NFIX: variants seen among roughly 807,000 people sequenced by gnomAD.
NFIX encodes the protein nuclear factor I X.
In NFIX, 2 loss-of-function variants were observed where a neutral mutation model predicts 53.3. The ratio of observed to expected loss-of-function variants is 0.04; its 90% CI spans 0.02 to 0.12. The LOEUF is 0.12. Ranked by LOEUF, NFIX falls within the 10% of genes least tolerant of loss-of-function variation. NFIX has a pLI of 1.00. For missense variants in NFIX, 310 were observed against 674.5 expected (o/e 0.46, Z 5.99); for synonymous variants, 244 against 289.0 (o/e 0.84, Z 1.58).
chr19:13,081,459 T>C lies in NFIX; in HGVS notation c.1079-221T>C, dbSNP rs938500725. 6.6e-6 allele frequency among the ~76,000 whole-genome samples: 1 copy of C among 151,628 alleles called. No individual in the cohort carries two copies. Among genetic ancestry groups the C allele is most frequent in the Non-Finnish European group, 1.5e-5 (1 of 67,760 alleles). ...GGCCTTTGGACCCTAGTTTGCCTAT[T>C]TGATTATTATTATTATTATTATTTT... On this transcript the variant is annotated intron_variant, in intron 7 of 10. Coordinates refer to ENST00000592199, the MANE Select transcript of NFIX (RefSeq NM_001365902.3). The surrounding 1 kb of genome is among the most constrained non-coding windows in gnomAD (Gnocchi z 4.7).
In NFIX at chr19:13,025,467, C is replaced by T. The variant is rs1463677306; in HGVS notation, c.474C>T (p.Asn158=). The T allele has an allele frequency of 5.6e-6, 9 of 1,614,068 alleles. No individual in the cohort carries two copies. The highest frequency in any genetic ancestry group is 2.2e-5 in the East Asian group (1 of 44,890). The change falls in exon 2 of 11, where the codon AAC becomes AAT. Residue 158 remains asparagine, a synonymous_variant. Coordinates refer to ENST00000592199, the MANE Select transcript of NFIX (RefSeq NM_001365902.3). The surrounding 1 kb of genome is among the most constrained non-coding windows in gnomAD (Gnocchi z 7.5). ...ERLYKSPQCS[N]PGLCVQPHHI... The stretch of plus-strand genomic sequence containing the variant: ...TCTACAAGTCGCCTCAGTGCTCGAA[C>T]CCCGGCCTGTGCGTCCAGCCACATC...
At position 13,025,637 on chromosome 19, in the gene NFIX, C is replaced by G. The variant is rs531102627; in HGVS notation, c.559+85C>G. ...GTTTATTGTTCCTCTAATTTCCAAG[C>G]GATAACTCGCCATGGGCCTAACTGG... On this transcript the variant is annotated intron_variant, in intron 2 of 10. Coordinates refer to ENST00000592199, the MANE Select transcript of NFIX (RefSeq NM_001365902.3). This position sits in a 1 kb window ranked among gnomAD's most constrained non-coding sequence, Gnocchi z 7.5. 17 of 1,475,756 alleles carry G rather than the reference C, an allele frequency of 1.2e-5. No homozygotes were observed. The highest frequency in any genetic ancestry group is 1.6e-5 in the Non-Finnish European group (17 of 1,093,684). 91.4% of individuals were successfully genotyped at this position (1,475,756 alleles called of 1,614,324 possible).
rs1322390502 is a variant in NFIX at position 13,014,825 on chromosome 19, A to G, written c.28-10196A>G. On this transcript the variant is annotated intron_variant, in intron 1 of 10. Transcript: ENST00000592199. This position sits in a 1 kb window ranked among gnomAD's most constrained non-coding sequence, Gnocchi z 4.4. ...CCTGGAGAGATGTGGGAGTTGGGGA[A>G]AGGACTTTTTATCAGGGCTGCAGAG... 6.6e-6 allele frequency among the ~76,000 whole-genome samples: 1 copy of G among 152,076 alleles called. No individual in the cohort carries two copies. Among genetic ancestry groups the G allele is most frequent in the African/African-American group, 2.4e-5 (1 of 41,396 alleles).
At chr19:13,053,482 G>C (rs1222778584) in intron 2 of NFIX, among the ~76,000 whole-genome samples, 37 of 152,132 alleles carry the variant, frequency 2.4e-4, no homozygotes, top group Admixed American at 2.4e-3. Context: ...CCTCCCTTCC[G>C]CCTGGAGGCG....
At chr19:13,061,489 G>T (rs1476237945) in intron 2 of NFIX, among the ~76,000 whole-genome samples, 1 of 152,174 alleles carries the variant, frequency 6.6e-6, no homozygotes, top group Admixed American at 6.5e-5. Flanking sequence ...TGGGCCGGTC[G>T]CTGGCCGCGC....
chr19:13,024,405 A>G, intron 1 of NFIX: 1 of 891,724 alleles, frequency 1.1e-6, no homozygotes, highest in Non-Finnish European at 1.3e-6. Context: ...TTCCAACTGG[A>G]TCAGGAGAAA....
At chr19:13,026,496 T>TC (rs1332126534) in intron 2 of NFIX, among the ~76,000 whole-genome samples, 6 of 152,182 alleles carry the variant, frequency 3.9e-5, no homozygotes, top group Non-Finnish European at 7.3e-5. Context: ...TTAGTTCTCC[T>TC]CCTCTGTTCC....
Position 13,094,625 on chromosome 19 carries a change from C to A in NFIX, c.1495-10C>A. The A allele has an allele frequency of 6.5e-7, 1 of 1,536,114 alleles. No individual in the cohort carries two copies. Among genetic ancestry groups the A allele is most frequent in the South Asian group, 1.2e-5 (1 of 84,044 alleles). On this transcript the variant is annotated splice_polypyrimidine_tract_variant and intron_variant, in intron 10 of 10. Coordinates refer to ENST00000592199, the MANE Select transcript of NFIX (RefSeq NM_001365902.3). This position sits in a 1 kb window ranked among gnomAD's most constrained non-coding sequence, Gnocchi z 4.3. ...GTTCTCAGTATCGCCTCTTTTTCATCCTGTTTCAGTCCTGGTTCCTCTGAT... is the reference window on the plus strand; with the variant it reads ...GTTCTCAGTATCGCCTCTTTTTCATACTGTTTCAGTCCTGGTTCCTCTGAT...
chr19:13,060,097 G>A lies in NFIX; in HGVS notation c.560-12950G>A, dbSNP rs1159941363. ...GCCACCGCACCCGGCCAAGAGGAAC[G>A]CTTTTGGCCTCCATTTCTTCCCTCC... On this transcript the variant is annotated intron_variant, in intron 2 of 10. Coordinates refer to ENST00000592199, the MANE Select transcript of NFIX (RefSeq NM_001365902.3). The surrounding 1 kb of genome is among the most constrained non-coding windows in gnomAD (Gnocchi z 4.3). Among the ~76,000 whole-genome samples, 7 of 152,160 alleles carry A rather than the reference G, an allele frequency of 4.6e-5. No individual in the cohort carries two copies. Among genetic ancestry groups the A allele is most frequent in the Non-Finnish European group, 1.0e-4 (7 of 68,014 alleles).
Position 13,090,203 on chromosome 19 carries a change from C to A in NFIX, c.1403-96C>A. 1 of 1,169,508 alleles carries A rather than the reference C, an allele frequency of 8.6e-7. No individual in the cohort carries two copies. The highest frequency in any genetic ancestry group is 1.3e-6 in the Non-Finnish European group (1 of 778,544). 72.4% of individuals were successfully genotyped at this position (1,169,508 alleles called of 1,614,324 possible). ...CCTAAACTCGGGCAGCATGGTCTAA[C>A]TCAGTCTCTCCCTCTCTCAGCAGCC... On this transcript the variant is annotated intron_variant, in intron 9 of 10. Coordinates refer to ENST00000592199, the MANE Select transcript of NFIX (RefSeq NM_001365902.3). This position sits in a 1 kb window ranked among gnomAD's most constrained non-coding sequence, Gnocchi z 6.6.
rs1228229485 is a variant in NFIX, at chr19:13,025,731, T to A, written c.559+179T>A. 6.6e-6 allele frequency among the ~76,000 whole-genome samples: 1 copy of A among 152,138 alleles called. No homozygotes were observed. Among genetic ancestry groups the A allele is most frequent in the Non-Finnish European group, 1.5e-5 (1 of 68,034 alleles). ...CTTTTCCTTTTTCCTGTCTTCTGTC[T>A]CCCCCGACCTGTTCTATTCTTCCTC... On this transcript the variant is annotated intron_variant, in intron 2 of 10. Coordinates refer to ENST00000592199, the MANE Select transcript of NFIX (RefSeq NM_001365902.3). The surrounding 1 kb of genome is among the most constrained non-coding windows in gnomAD (Gnocchi z 7.5).
At position 13,060,306 on chromosome 19, in the gene NFIX, G is replaced by A. The variant is rs1208171503; in HGVS notation, c.560-12741G>A. On this transcript the variant is annotated intron_variant, in intron 2 of 10. Transcript: ENST00000592199. This position sits in a 1 kb window ranked among gnomAD's most constrained non-coding sequence, Gnocchi z 4.3. ...CCCACTCTGAGGAAGCCTTGGATGG[G>A]CCATTCCTGGCCCAGAGCCTGAGGC... is the stretch of plus-strand genomic sequence containing the variant. Among the ~76,000 whole-genome samples, 1 of 152,240 alleles carries A rather than the reference G, an allele frequency of 6.6e-6. No homozygotes were observed. Among genetic ancestry groups the A allele is most frequent in the East Asian group, 1.9e-4 (1 of 5,196 alleles).
At position 13,007,020 on chromosome 19, in the gene NFIX, C is replaced by A. The variant is rs1184700983; in HGVS notation, c.27+11156C>A. ...CTGGGGATCATCCCCCATGCCTGTTCCCTGGAAGGGCCGGGCTGCCTCTTC... is the reference window on the plus strand; with the variant it reads ...CTGGGGATCATCCCCCATGCCTGTTACCTGGAAGGGCCGGGCTGCCTCTTC... On this transcript the variant is annotated intron_variant, in intron 1 of 10. Transcript: ENST00000592199. 2.6e-5 allele frequency among the ~76,000 whole-genome samples: 4 copies of A among 152,166 alleles called. No homozygotes were observed. In the South Asian group the frequency reaches 6.2e-4, roughly 24 times the overall value.
chr19:12,995,943 G>A (rs1284472576), intron 1 of NFIX, 79 bp downstream of exon 1: 2 of 594,566 alleles, frequency 3.4e-6, no homozygotes, highest in East Asian at 1.4e-4. Flanking sequence ...CGGAGGGGAC[G>A]CGCGGCGGCC....
intron 2 of NFIX, chr19:13,071,315 G>A (rs1017921740): frequency 3.3e-5 from 5 of 152,238 alleles, no homozygotes; most frequent in Admixed American, 3.3e-4. Context: ...GCTCAAATCA[G>A]ACCCAGAAAC....
chr19:13,094,928 A>G lies in NFIX; in HGVS notation c.*279A>G. On this transcript the variant is annotated 3_prime_UTR_variant, in exon 11 of 11. Coordinates refer to ENST00000592199, the MANE Select transcript of NFIX (RefSeq NM_001365902.3). This position sits in a 1 kb window ranked among gnomAD's most constrained non-coding sequence, Gnocchi z 4.3. ...ACACGCGACATGGACTCTGTCAAGT[A>G]GAGGACAGAAAGCAAGAAAGGATGC... The G allele has an allele frequency of 2.2e-6, 1 of 460,112 alleles. No individual in the cohort carries two copies. The highest frequency in any genetic ancestry group is 3.0e-5 in the South Asian group (1 of 33,746). 28.5% of individuals were successfully genotyped at this position (460,112 alleles called of 1,614,324 possible).
chr19:13,080,832 C>G (rs113254113), intron 7 of NFIX, among the ~76,000 whole-genome samples: 1 of 151,810 alleles, frequency 6.6e-6, no homozygotes, highest in African/African-American at 2.4e-5. Context: ...AACCCTGTCT[C>G]TACTAAAAAT....
chr19:13,024,113 C>CAAAAAAAAAAAAAAAAACCA, intron 1 of NFIX: 1 of 412,066 alleles, frequency 2.4e-6, no homozygotes, highest in African/African-American at 2.7e-5. Flanking sequence ...AGCAAACAAC[C>CAAAAAAAAAAAAAAAAACCA]AAAAAAAAAA....
In NFIX at chr19:13,040,773, C is replaced by T. The variant is rs937621464; in HGVS notation, c.559+15221C>T. 2.4e-4 allele frequency among the ~76,000 whole-genome samples: 37 copies of T among 152,202 alleles called. No individual in the cohort carries two copies. The highest frequency in any genetic ancestry group is 5.9e-5 in the Non-Finnish European group (4 of 68,040). On this transcript the variant is annotated intron_variant, in intron 2 of 10. Transcript: ENST00000592199. The surrounding 1 kb of genome is among the most constrained non-coding windows in gnomAD (Gnocchi z 4.2). Reference sequence around the variant, plus strand: ...GGTTTGTCTTTCACACACTCGCGCACACACACAGCCACTTCTCGAAGCAGA... The same window carrying T: ...GGTTTGTCTTTCACACACTCGCGCATACACACAGCCACTTCTCGAAGCAGA...
Sources: gnomAD v4.1 joint callset for allele counts (sites outside exome capture counted in the v4.1 genomes callset) on GRCh38, gnomAD v4.1.1 for gene constraint, Gnocchi (gnomAD v3.1) non-coding constraint, MANE v1.5 for transcripts, NCBI Gene and HGNC (gene_info 2026-07-23, HGNC 2026-07-21) for gene names.